Variants in STPG2 observed in about 807,000 individuals in gnomAD.
The protein encoded by STPG2 is sperm tail PG-rich repeat containing 2.
STPG2 carries 56 observed loss-of-function variants against 54.2 expected under a neutral mutation model. The ratio of observed to expected loss-of-function variants is 1.03; its 90% confidence interval spans 0.83 to 1.29. The LOEUF (loss-of-function observed/expected upper bound fraction) is 1.29. STPG2 is among the 50% of genes most tolerant of loss of function. The probability of loss-of-function intolerance (pLI) is 0.00; values close to 1 mark genes in which losing one functional copy is unlikely to be tolerated. For missense variants in STPG2, 596 were observed against 544.9 expected, an observed-to-expected ratio of 1.09 and a Z score of -0.93; for synonymous variants, 200 against 181.8, an observed-to-expected ratio of 1.10 and a Z score of -0.81.
At chr4:97,451,969 A>G (rs1578309000) in intron 4 of STPG2, among the ~76,000 whole-genome samples, 1 of 152,124 alleles carries the variant, frequency 6.6e-6, no homozygotes, top group East Asian at 1.9e-4. Flanking sequence ...AGGACTGCAC[A>G]CTCCATGGAG....
chr4:97,678,673 G>A (rs982596350), intron 10 of STPG2, among the ~76,000 whole-genome samples: 4 of 151,412 alleles, frequency 2.6e-5, no homozygotes, highest in Middle Eastern at 3.4e-3. Context: ...TGTGCACAAT[G>A]TGCAGGTTAG....
chr4:97,639,196 G>A (rs1429328839), intron 10 of STPG2, among the ~76,000 whole-genome samples: 1 of 151,984 alleles, frequency 6.6e-6, no homozygotes, highest in Non-Finnish European at 1.5e-5. Context: ...TCCTTTGTAG[G>A]GACATGGATG....
intron 9 of STPG2, among the ~76,000 whole-genome samples, chr4:97,765,331 C>A (rs165242): frequency 0.67 from 101,619 of 151,928 alleles, 35,416 homozygotes; most frequent in African/African-American, 0.88. Context: ...AGGCTGTTCA[C>A]AATTGCATTA....
chr4:97,595,271 T>TA (rs764376400), intron 10 of STPG2, among the ~76,000 whole-genome samples: 1 of 152,022 alleles, frequency 6.6e-6, no homozygotes, highest in East Asian at 1.9e-4. Flanking sequence ...TATGCAGCCA[T>TA]AAAAAAGGAT....
chr4:98,067,222 A>G (rs1402173965), intron 5 of STPG2, among the ~76,000 whole-genome samples: 1 of 152,174 alleles, frequency 6.6e-6, no homozygotes, highest in East Asian at 1.9e-4. Context: ...TATTAGAGAG[A>G]GGTAGGCTTT....
chr4:98,017,500 C>T (rs1735997876), intron 5 of STPG2, among the ~76,000 whole-genome samples: 2 of 152,198 alleles, frequency 1.3e-5, no homozygotes, highest in Admixed American at 6.5e-5. Flanking sequence ...TTTCTCTGCA[C>T]TATCCTGCTC....
At chr4:97,738,489 T>G (rs1012459348) in intron 9 of STPG2, among the ~76,000 whole-genome samples, 6 of 152,022 alleles carry the variant, frequency 3.9e-5, no homozygotes, top group Non-Finnish European at 5.9e-5. Context: ...GAGACACACA[T>G]AGGCTCAAAA....
chr4:97,899,858 T>A (rs1048975948), intron 8 of STPG2, among the ~76,000 whole-genome samples: 12 of 152,068 alleles, frequency 7.9e-5, no homozygotes, highest in Non-Finnish European at 1.6e-4. Context: ...AAATCCAAAC[T>A]ATAAAAACCC....
intron 4 of STPG2, among the ~76,000 whole-genome samples, chr4:97,490,387 C>T (rs866643618): frequency 5.3e-5 from 8 of 151,426 alleles, no homozygotes; most frequent in Non-Finnish European, 1.0e-4. Flanking sequence ...ATTAATTATT[C>T]CCTCTCTCTC....
chr4:97,747,036 G>T (rs1474825217), intron 9 of STPG2, among the ~76,000 whole-genome samples: 1 of 150,778 alleles, frequency 6.6e-6, no homozygotes, highest in Non-Finnish European at 1.5e-5. Context: ...ATCTTTTACA[G>T]TAATATCCCC....
intron 8 of STPG2, among the ~76,000 whole-genome samples, chr4:97,859,326 A>G (rs893525475): frequency 2.3e-4 from 35 of 152,014 alleles, no homozygotes; most frequent in Non-Finnish European, 8.8e-5. Flanking sequence ...TAGTTTTCAA[A>G]TATTTTCTCT....
At position 97,950,260 on chromosome 4, in the gene STPG2, A is replaced by G. The variant is rs184184988; in HGVS notation, c.934-6253T>C. ...TTATTATTAGGTTTGGCCATTTTACATAATCTATTATTTCCTGGAAACTTT... is the reference window on the plus strand; with the variant it reads ...TTATTATTAGGTTTGGCCATTTTACGTAATCTATTATTTCCTGGAAACTTT... On this transcript the variant is annotated intron_variant, in intron 7 of 10. Coordinates refer to ENST00000295268, the MANE Select transcript of STPG2 (RefSeq NM_174952.3). Among the ~76,000 whole-genome samples, 34 of 152,172 alleles carry G rather than the reference A, an allele frequency of 2.2e-4. No homozygotes were observed. In the East Asian group the frequency reaches 5.8e-3, roughly 26 times the overall value.
At chr4:97,742,612 T>C (rs1203494146) in intron 9 of STPG2, among the ~76,000 whole-genome samples, 1 of 150,066 alleles carries the variant, frequency 6.7e-6, no homozygotes, top group African/African-American at 2.4e-5. Context: ...AGATCTTACC[T>C]TTTGCAACAA....
At chr4:98,068,153 G>A (rs1737890807) in intron 5 of STPG2, among the ~76,000 whole-genome samples, 1 of 152,140 alleles carries the variant, frequency 6.6e-6, no homozygotes, top group South Asian at 2.1e-4. Context: ...TGCCACCACA[G>A]GGCCTTTGAT....
intron 7 of STPG2, among the ~76,000 whole-genome samples, chr4:97,955,673 G>C (rs1733649674): frequency 6.6e-6 from 1 of 152,064 alleles, no homozygotes; most frequent in South Asian, 2.1e-4. Context: ...TAAACCCACA[G>C]ATTCAAAGGT....
intron 5 of STPG2, among the ~76,000 whole-genome samples, chr4:98,010,843 A>C (rs2149282127): frequency 6.6e-6 from 1 of 152,280 alleles, no homozygotes; most frequent in East Asian, 1.9e-4. Flanking sequence ...AAATGTCTGA[A>C]GTTATAACAG....
chr4:97,687,320 C>CTTTT (rs33977046), intron 10 of STPG2, among the ~76,000 whole-genome samples: 1 of 146,244 alleles, frequency 6.8e-6, no homozygotes, highest in Non-Finnish European at 1.5e-5. Flanking sequence ...TGCACTGAAT[C>CTTTT]TTTTTTTTTT....
intron 8 of STPG2, among the ~76,000 whole-genome samples, chr4:97,941,984 C>G (rs955192199): frequency 2.0e-5 from 3 of 151,720 alleles, no homozygotes; most frequent in Admixed American, 2.0e-4. Flanking sequence ...GTTTTCAGAT[C>G]TAAAGAGGGA....
At chr4:97,713,288 A>C (rs888245191) in intron 9 of STPG2, among the ~76,000 whole-genome samples, 8 of 152,162 alleles carry the variant, frequency 5.3e-5, no homozygotes, top group Non-Finnish European at 1.2e-4. Flanking sequence ...TAGTAAACAG[A>C]TGGTTTGCAT....
Sources: allele counts gnomAD v4.1 joint callset (sites outside exome capture counted in the v4.1 genomes callset), GRCh38; gene constraint gnomAD v4.1.1; transcripts MANE v1.5; gene names NCBI Gene and HGNC (gene_info 2026-07-23, HGNC 2026-07-21).